RNF180: variants seen among roughly 807,000 people sequenced by gnomAD.
The protein encoded by RNF180 is ring finger protein 180, also known as E3 ubiquitin-protein ligase RNF180.
Under a neutral mutation model 59.2 loss-of-function variants are expected in RNF180, and 38 were observed. The observed-to-expected ratio is 0.64, with a 90% CI of 0.50 to 0.84. The LOEUF (loss-of-function observed/expected upper bound fraction) is 0.84, where lower values mean the gene tolerates loss of function less well. Ranked by LOEUF, RNF180 falls within the 40% of genes least tolerant of loss-of-function variation. The pLI is 0.00. For synonymous variants in RNF180, 262 were observed against 240.3 expected (o/e 1.09, Z -0.84); for missense variants, 705 against 700.9 (o/e 1.01, Z -0.07).
chr5:64,244,287 ACT>A (rs1295822600), intron 5 of RNF180, among the ~76,000 whole-genome samples: 1 of 152,108 alleles, frequency 6.6e-6, no homozygotes, highest in Non-Finnish European at 1.5e-5. Context: ...GTAATAACAA[ACT>A]CTTCCAAGCT....
rs767797938 is a variant in RNF180, at chr5:64,213,822, T to A, written c.496T>A (p.Leu166Ile). The change falls in exon 4 of 8, where the codon TTA becomes ATA. Residue 166 changes from leucine (L) to isoleucine (I), a missense_variant. Coordinates refer to ENST00000389100, the MANE Select transcript of RNF180 (RefSeq NM_001113561.2). ...GGSENRNHRL[L>I]NMARNNNDPG... Reference sequence around the variant, plus strand: ...CTCTGAAAACAGAAATCACAGGCTTTTAAACATGGCCCGAAATAATAATGA... The same window carrying A: ...CTCTGAAAACAGAAATCACAGGCTTATAAACATGGCCCGAAATAATAATGA... 1 of 1,613,974 alleles carries A rather than the reference T, an allele frequency of 6.2e-7. No individual in the cohort carries two copies. The highest frequency in any genetic ancestry group is 8.5e-7 in the Non-Finnish European group (1 of 1,179,992).
At chr5:64,215,989 G>GTT (rs35271070) in intron 4 of RNF180, among the ~76,000 whole-genome samples, 2,920 of 148,188 alleles carry the variant, frequency 0.02, 97 homozygotes, top group African/African-American at 0.068. Flanking sequence ...AAGTTAATGT[G>GTT]TTTTTTTTTT....
chr5:64,360,380 A>T (rs1746202803), intron 7 of RNF180, among the ~76,000 whole-genome samples: 1 of 151,606 alleles, frequency 6.6e-6, no homozygotes, highest in Non-Finnish European at 1.5e-5. Context: ...CATGCTAAAA[A>T]CTCTCAATAA....
chr5:64,208,114 G>A (rs1240016374), intron 2 of RNF180, among the ~76,000 whole-genome samples: 2 of 151,904 alleles, frequency 1.3e-5, no homozygotes, highest in African/African-American at 2.4e-5. Context: ...ATATTTTTCT[G>A]TTATAGAAAC....
chr5:64,259,610 A>C (rs781573290), intron 5 of RNF180, among the ~76,000 whole-genome samples: 14 of 152,272 alleles, frequency 9.2e-5, no homozygotes, highest in Middle Eastern at 6.8e-3. Flanking sequence ...TTTTATGATT[A>C]TAAGAGTACT....
At chr5:64,175,658 T>C (rs1232020153) in intron 1 of RNF180, among the ~76,000 whole-genome samples, 2 of 152,208 alleles carry the variant, frequency 1.3e-5, no homozygotes, top group Non-Finnish European at 1.5e-5. Flanking sequence ...AAAAATGTCA[T>C]TGGTATTTTT....
chr5:64,199,056 GA>G (rs1751597614), intron 1 of RNF180, among the ~76,000 whole-genome samples: 1 of 152,170 alleles, frequency 6.6e-6, no homozygotes, highest in African/African-American at 2.4e-5. Flanking sequence ...GACCTCAGAT[GA>G]TCCACCCGCC....
intron 1 of RNF180, among the ~76,000 whole-genome samples, chr5:64,171,664 C>T (rs1334718888): frequency 6.6e-6 from 1 of 152,162 alleles, no homozygotes; most frequent in Non-Finnish European, 1.5e-5. Context: ...ATCATTTGAT[C>T]TATCTTGTCA....
At chr5:64,255,595 A>G (rs946171916) in intron 5 of RNF180, among the ~76,000 whole-genome samples, 4 of 152,114 alleles carry the variant, frequency 2.6e-5, no homozygotes, top group African/African-American at 9.7e-5. Context: ...AATCCAATCT[A>G]TCATTGTTGG....
chr5:64,350,995 T>A (rs1745782686), intron 7 of RNF180, among the ~76,000 whole-genome samples: 1 of 152,058 alleles, frequency 6.6e-6, no homozygotes, highest in African/African-American at 2.4e-5. Flanking sequence ...TAAATTACCT[T>A]GGGCAGTATG....
chr5:64,211,203 G>T (rs1372259238), intron 2 of RNF180, among the ~76,000 whole-genome samples: 1 of 152,058 alleles, frequency 6.6e-6, no homozygotes, highest in Non-Finnish European at 1.5e-5. Flanking sequence ...ATATCTCAAA[G>T]GGAAAACTTT....
chr5:64,352,247 TA>T (rs1745845132), intron 7 of RNF180, among the ~76,000 whole-genome samples: 2 of 152,114 alleles, frequency 1.3e-5, no homozygotes, highest in Non-Finnish European at 2.9e-5. Flanking sequence ...TCAGTGGTGA[TA>T]TCCCCTTTAT....
chr5:64,169,852 A>C (rs1418389518), intron 1 of RNF180, among the ~76,000 whole-genome samples: 1 of 152,244 alleles, frequency 6.6e-6, no homozygotes, highest in Non-Finnish European at 1.5e-5. Flanking sequence ...TATAGAGGCT[A>C]TTTCGCGGGA....
At chr5:64,279,952 G>T (rs369855700) in intron 5 of RNF180, among the ~76,000 whole-genome samples, 1 of 152,272 alleles carries the variant, frequency 6.6e-6, no homozygotes, top group South Asian at 2.1e-4. Context: ...AATTAGCCGG[G>T]CGTGGTGGTG....
chr5:64,348,755 A>G (rs1745659702), intron 7 of RNF180, among the ~76,000 whole-genome samples: 1 of 152,120 alleles, frequency 6.6e-6, no homozygotes, highest in African/African-American at 2.4e-5. Flanking sequence ...AACAAAATCT[A>G]TATGTAAGTC....
intron 6 of RNF180, among the ~76,000 whole-genome samples, chr5:64,327,294 C>G (rs990503228): frequency 2.0e-5 from 3 of 151,752 alleles, no homozygotes; most frequent in African/African-American, 7.3e-5. Flanking sequence ...TATTTCTACT[C>G]TGGTCTTTAT....
At chr5:64,226,661 A>G (rs1476636297) in intron 5 of RNF180, among the ~76,000 whole-genome samples, 1 of 152,092 alleles carries the variant, frequency 6.6e-6, no homozygotes, top group Non-Finnish European at 1.5e-5. Context: ...TGATCAATAA[A>G]TACTAAAAAA....
chr5:64,203,238 C>CT (rs1312865681), intron 2 of RNF180, among the ~76,000 whole-genome samples: 1 of 152,140 alleles, frequency 6.6e-6, no homozygotes, highest in Non-Finnish European at 1.5e-5. Context: ...GAGGAGTACT[C>CT]TAACAGAGGA....
At chr5:64,272,449 T>C (rs1741469061) in intron 5 of RNF180, among the ~76,000 whole-genome samples, 1 of 151,866 alleles carries the variant, frequency 6.6e-6, no homozygotes, top group African/African-American at 2.4e-5. Context: ...GGCAATGGTA[T>C]GGGTGGTGAG....
Sources: gnomAD v4.1 joint callset for allele counts (sites outside exome capture counted in the v4.1 genomes callset) on GRCh38, gnomAD v4.1.1 for gene constraint, MANE v1.5 for transcripts, NCBI Gene and HGNC (gene_info 2026-07-23, HGNC 2026-07-21) for gene names.